The following TECPR2 variants were observed in gnomAD, a reference collection of about 807,000 sequenced individuals.
TECPR2 encodes the protein tectonin beta-propeller repeat containing 2.
Under a neutral mutation model 138.1 loss-of-function variants are expected in TECPR2, and 65 were observed. The observed-to-expected ratio is 0.47, with a 90% CI of 0.39 to 0.58. The LOEUF is 0.58. TECPR2 is among the 20% of genes least tolerant of loss of function. TECPR2 has a pLI of 0.00. For synonymous variants in TECPR2, 746 were observed against 749.8 expected (o/e 0.99, Z 0.08); for missense variants, 1,553 against 1,824.5 (o/e 0.85, Z 2.71).
intron 17 of TECPR2, among the ~76,000 whole-genome samples, chr14:102,476,294 C>T (rs117309961): frequency 0.027 from 3,922 of 146,490 alleles, 73 homozygotes; most frequent in Middle Eastern, 0.095. Context: ...AACTTTGGGA[C>T]GCTGAGCTGG....
intron 17 of TECPR2, among the ~76,000 whole-genome samples, chr14:102,478,196 C>T (rs1016211127): frequency 6.6e-6 from 1 of 151,774 alleles, no homozygotes; most frequent in African/African-American, 2.4e-5. Context: ...TACAGGCATG[C>T]ACCACCGCAC....
In TECPR2 at chr14:102,419,690, C is replaced by T. The variant is rs1283935834; in HGVS notation, c.638+4897C>T. On this transcript the variant is annotated intron_variant, in intron 5 of 19. Coordinates refer to ENST00000359520, the MANE Select transcript of TECPR2 (RefSeq NM_014844.5). This position sits in a 1 kb window ranked among gnomAD's most constrained non-coding sequence, Gnocchi z 4.8. The stretch of plus-strand genomic sequence containing the variant: ...GTCGAGTCCGTGAACCTCTTCAGAC[C>T]GGATGATGTGTGTTACATCCAGAAA... 6.6e-6 allele frequency among the ~76,000 whole-genome samples: 1 copy of T among 152,152 alleles called. No homozygotes were observed. The highest frequency in any genetic ancestry group is 2.4e-5 in the African/African-American group (1 of 41,428).
rs1379009108 is a variant in TECPR2, at chr14:102,445,890, G to T, written c.3018G>T (p.Trp1006Cys). ...LWALDIHGNL[W>C]FRTGIISKKP... ...CCCTGGACATCCATGGGAACCTGTGGTTCAGAACTGGCATTATTTCCAAGA... is the reference window on the plus strand; with the variant it reads ...CCCTGGACATCCATGGGAACCTGTGTTTCAGAACTGGCATTATTTCCAAGA... Residue 1006 changes from tryptophan to cysteine, a missense_variant, in exon 13 of 20, where the codon TGG (tryptophan) becomes TGT (cysteine). Trp to Cys is a radical substitution (Grantham distance 215). Transcript: ENST00000359520. 3 of 1,613,844 alleles carry T rather than the reference G, an allele frequency of 1.9e-6. No homozygotes were observed. In the Admixed American group the frequency reaches 5.0e-5, roughly 27 times the overall value.
At chr14:102,477,452 G>A (rs546686765) in intron 17 of TECPR2, among the ~76,000 whole-genome samples, 3 of 151,940 alleles carry the variant, frequency 2.0e-5, no homozygotes, top group Non-Finnish European at 4.4e-5. Context: ...GGGAGGTGTG[G>A]CAGTGGCTTC....
chr14:102,485,141 A>G (rs1890995465), intron 17 of TECPR2, among the ~76,000 whole-genome samples: 1 of 152,162 alleles, frequency 6.6e-6, no homozygotes, highest in Admixed American at 6.5e-5. Context: ...CTTCACCTCC[A>G]CGGTTCTGGT....
At chr14:102,408,839 A>C (rs1439836035) in intron 4 of TECPR2, among the ~76,000 whole-genome samples, 1 of 152,126 alleles carries the variant, frequency 6.6e-6, no homozygotes, top group Non-Finnish European at 1.5e-5. Flanking sequence ...TTTTCATTCC[A>C]CTGTTGTGTA....
Position 102,443,925 on chromosome 14 carries a change from GGCA to G in TECPR2, c.2933+102_2933+104del. On this transcript the variant is annotated intron_variant, in intron 12 of 19. Transcript: ENST00000359520. This position sits in a 1 kb window ranked among gnomAD's most constrained non-coding sequence, Gnocchi z 4.9. Reference sequence around the variant, plus strand: ...AGGCACCATGAGGCCGTTCCTGGGAGGCAGCACCTGCAGCCTCCATGGCTATAG... The same window carrying G: ...AGGCACCATGAGGCCGTTCCTGGGAGGCACCTGCAGCCTCCATGGCTATAG... 1 of 1,219,178 alleles carries G rather than the reference GGCA, an allele frequency of 8.2e-7. No homozygotes were observed. The highest frequency in any genetic ancestry group is 3.0e-4 in the Middle Eastern group (1 of 3,304). 75.5% of individuals were successfully genotyped at this position (1,219,178 alleles called of 1,614,324 possible).
In TECPR2 at chr14:102,434,900, A is replaced by G; in HGVS notation, c.2083A>G (p.Thr695Ala). 2 of 1,613,826 alleles carry G rather than the reference A, an allele frequency of 1.2e-6. No individual in the cohort carries two copies. Among genetic ancestry groups the G allele is most frequent in the Non-Finnish European group, 1.7e-6 (2 of 1,180,048 alleles). ...CATGGAGGCCTCTGGCCACCTCAGC[A>G]CAAATCTCTGGCATGCTGTCACTGA... ...TSMEASGHLS[T>A]NLWHAVTDDD... Residue 695 changes from threonine (T) to alanine (A), a missense_variant, in exon 9 of 20, where the codon ACA becomes GCA. By Grantham distance (58) the Thr-to-Ala change is moderately conservative (BLOSUM62 0). Transcript: ENST00000359520.
At position 102,452,515 on chromosome 14, in the gene TECPR2, C is replaced by A. The variant is rs945065865; in HGVS notation, c.3528C>A (p.Ala1176=). Residue 1176 remains alanine (A), a synonymous_variant, in exon 16 of 20, where the codon GCC becomes GCA. Transcript: ENST00000359520. ...AAGCCGAGATGCGCGCCTATGCCGC[C>A]TGCCAGGATGCGCTGTGGGCGCTGG... ...PPEAEMRAYA[A]CQDALWALDS... 6.2e-7 allele frequency: 1 copy of A among 1,612,844 alleles called. No individual in the cohort carries two copies. The highest frequency in any genetic ancestry group is 1.1e-5 in the South Asian group (1 of 90,940).
intron 2 of TECPR2, among the ~76,000 whole-genome samples, chr14:102,380,381 A>G (rs1021776329): frequency 6.6e-6 from 1 of 152,280 alleles, no homozygotes; most frequent in African/African-American, 2.4e-5. Flanking sequence ...GCTATGAAGA[A>G]ATACCCAAGC....
rs776842639 is a variant in TECPR2 at position 102,449,616 on chromosome 14, C to A, written c.3076-13C>A. 1 of 1,612,812 alleles carries A rather than the reference C, an allele frequency of 6.2e-7. No homozygotes were observed. Among genetic ancestry groups the A allele is most frequent in the South Asian group, 1.1e-5 (1 of 91,030 alleles). On this transcript the variant is annotated splice_polypyrimidine_tract_variant and intron_variant, in intron 13 of 19. Coordinates refer to ENST00000359520, the MANE Select transcript of TECPR2 (RefSeq NM_014844.5). Reference sequence around the variant, plus strand: ...CTCTGACAGCAGGGCTTTTGCTTGTCTCCTCCTTCCAGGTGAGCATCACGG... The same window carrying A: ...CTCTGACAGCAGGGCTTTTGCTTGTATCCTCCTTCCAGGTGAGCATCACGG...
chr14:102,395,627 G>A (rs769001947), intron 2 of TECPR2, among the ~76,000 whole-genome samples: 15 of 152,194 alleles, frequency 9.9e-5, no homozygotes, highest in South Asian at 2.1e-4. Context: ...GTGAAACCCC[G>A]TCTCTACTAA....
chr14:102,367,497 C>G (rs1355114815), intron 1 of TECPR2, among the ~76,000 whole-genome samples: 2 of 152,168 alleles, frequency 1.3e-5, no homozygotes, highest in African/African-American at 4.8e-5. Flanking sequence ...TACATGGAAT[C>G]ATATAATATA....
At position 102,501,708 on chromosome 14, in the gene TECPR2, G is replaced by A. The variant is rs1171324022; in HGVS notation, c.*3451G>A. On this transcript the variant is annotated 3_prime_UTR_variant, in exon 20 of 20. Transcript: ENST00000359520. ...CTTCAGCAGCATGTATACAAAAATT[G>A]CAACGATACAGAGATTAGCATGGCC... 1 of 152,146 alleles carries A rather than the reference G, an allele frequency of 6.6e-6. No homozygotes were observed. Among genetic ancestry groups the A allele is most frequent in the East Asian group, 1.9e-4 (1 of 5,200 alleles). 9.4% of individuals were successfully genotyped at this position (152,146 alleles called of 1,614,324 possible).
chr14:102,449,741 A>T lies in TECPR2; in HGVS notation c.3188A>T (p.Asp1063Val). ...AAQAPVEKVA[D>V]KLRMAFWSQQ... ...CAAGCCCCCGTAGAAAAGGTGGCAG[A>T]TAAGCTGCGCATGGCGTTTTGGTCC... Residue 1063 changes from aspartate (D) to valine (V), a missense_variant, in exon 14 of 20, where the codon GAT becomes GTT. Asp to Val is a radical substitution (Grantham distance 152). Transcript: ENST00000359520. 2 of 1,614,196 alleles carry T rather than the reference A, an allele frequency of 1.2e-6. No homozygotes were observed. Among genetic ancestry groups the T allele is most frequent in the Non-Finnish European group, 8.5e-7 (1 of 1,180,036 alleles).
Position 102,502,221 on chromosome 14 carries a change from GA to G in TECPR2, c.*3967del, listed in dbSNP as rs1891458554. 6.6e-6 allele frequency: 1 copy of G among 152,480 alleles called. No homozygotes were observed. The highest frequency in any genetic ancestry group is 6.5e-5 in the Admixed American group (1 of 15,292). The allele number at this position is 152,480 out of a possible 1,614,324, so 9.4% of individuals were successfully genotyped here. The stretch of plus-strand genomic sequence containing the variant: ...GTGGTTCTGTAAGAAATCAGAGGGA[GA>G]AAGGGAGAGAAGGGGGAGGGAGACA... On this transcript the variant is annotated 3_prime_UTR_variant, in exon 20 of 20. Transcript: ENST00000359520.
At chr14:102,392,529 T>G (rs1888205474) in intron 2 of TECPR2, among the ~76,000 whole-genome samples, 1 of 152,242 alleles carries the variant, frequency 6.6e-6, no homozygotes. Context: ...TAGTTGTTCT[T>G]TGCTTACATT....
intron 2 of TECPR2, among the ~76,000 whole-genome samples, chr14:102,396,178 T>C (rs1597782383): frequency 6.6e-6 from 1 of 151,548 alleles, no homozygotes; most frequent in Non-Finnish European, 1.5e-5. Flanking sequence ...TCTCAGCTCA[T>C]TGCAACCTCT....
chr14:102,373,942 T>A (rs1480981619), intron 1 of TECPR2, among the ~76,000 whole-genome samples: 2 of 151,770 alleles, frequency 1.3e-5, no homozygotes, highest in Non-Finnish European at 2.9e-5. Flanking sequence ...TTATCCGGGC[T>A]TGGTGGCACA....
Sources: allele counts gnomAD v4.1 joint callset (sites outside exome capture counted in the v4.1 genomes callset), GRCh38; gene constraint gnomAD v4.1.1; non-coding constraint Gnocchi (gnomAD v3.1); transcripts MANE v1.5; gene names NCBI Gene and HGNC (gene_info 2026-07-23, HGNC 2026-07-21).